ZFHX3: variants seen among roughly 807,000 people sequenced by gnomAD.
ZFHX3 encodes the protein zinc finger homeobox protein 3.
In ZFHX3, 42 loss-of-function variants were observed where a neutral mutation model predicts 279.1. That is an observed-to-expected ratio of 0.15 (90% CI 0.12 to 0.19). The LOEUF (loss-of-function observed/expected upper bound fraction) is 0.19. Among genes scored for constraint, ZFHX3 ranks in the 10% least tolerant of loss-of-function variants. ZFHX3 has a pLI of 1.00. For synonymous variants in ZFHX3, 2,293 were observed against 1,957.8 expected, an observed-to-expected ratio of 1.17 and a Z score of -4.52; for missense variants, 4,981 against 4,754.0, an observed-to-expected ratio of 1.05 and a Z score of -1.40.
intron 2 of ZFHX3, among the ~76,000 whole-genome samples, chr16:73,501,449 G>A (rs1015511704): frequency 2.0e-5 from 3 of 152,118 alleles, no homozygotes; most frequent in African/African-American, 4.8e-5. Flanking sequence ...TACCATACAG[G>A]CTCTCCCTTA....
chr16:72,867,054 T>C (rs1460725451), intron 4 of ZFHX3, among the ~76,000 whole-genome samples: 2 of 152,202 alleles, frequency 1.3e-5, no homozygotes, highest in African/African-American at 4.8e-5. Flanking sequence ...GTGCACCTCA[T>C]TGGCATGAAT....
At chr16:73,696,096 C>A (rs1275222005) in intron 1 of ZFHX3, among the ~76,000 whole-genome samples, 2 of 152,158 alleles carry the variant, frequency 1.3e-5, no homozygotes, top group African/African-American at 4.8e-5. Context: ...GTAATTCCAG[C>A]CAAGGGCAGA....
At chr16:73,856,907 G>T (rs545371770) in intron 1 of ZFHX3, among the ~76,000 whole-genome samples, 3 of 152,336 alleles carry the variant, frequency 2.0e-5, no homozygotes, top group South Asian at 2.1e-4. Context: ...TTGAACAGAG[G>T]TAAGTATTGC....
chr16:73,180,179 T>C (rs1967760926), intron 5 of ZFHX3, among the ~76,000 whole-genome samples: 1 of 152,166 alleles, frequency 6.6e-6, no homozygotes, highest in Non-Finnish European at 1.5e-5. Context: ...CAGCCAACTC[T>C]TGGACCCAGG....
chr16:73,380,689 T>C (rs7194610), intron 3 of ZFHX3, among the ~76,000 whole-genome samples: 90,986 of 152,056 alleles, frequency 0.6, 27,834 homozygotes, highest in African/African-American at 0.65. Context: ...TAAAAATACT[T>C]AGAGAGAAAT....
intron 5 of ZFHX3, among the ~76,000 whole-genome samples, chr16:73,160,615 G>A (rs1161068354): frequency 6.6e-6 from 1 of 151,786 alleles, no homozygotes; most frequent in Non-Finnish European, 1.5e-5. Context: ...CCTCATTACT[G>A]CCATCATAAT....
At chr16:73,725,540 A>AGTGAGTGT (rs147139764) in intron 1 of ZFHX3, among the ~76,000 whole-genome samples, 3,854 of 148,316 alleles carry the variant, frequency 0.026, 71 homozygotes, top group Admixed American at 0.038. Flanking sequence ...AGTGTGAGTG[A>AGTGAGTGT]GTGTGTGTGT....
chr16:73,692,403 A>C (rs991401042), intron 1 of ZFHX3, among the ~76,000 whole-genome samples: 2 of 152,318 alleles, frequency 1.3e-5, no homozygotes, highest in Admixed American at 6.5e-5. Flanking sequence ...GAATACACCC[A>C]GATGTACAGC....
chr16:73,551,674 A>G (rs1486124208), intron 2 of ZFHX3, among the ~76,000 whole-genome samples: 2 of 152,234 alleles, frequency 1.3e-5, no homozygotes, highest in East Asian at 1.9e-4. Flanking sequence ...CAAGCCATAA[A>G]GATTACATCT....
intron 2 of ZFHX3, among the ~76,000 whole-genome samples, chr16:73,513,348 G>A (rs2019465504): frequency 6.6e-6 from 1 of 152,132 alleles, no homozygotes; most frequent in Non-Finnish European, 1.5e-5. Flanking sequence ...GGAATATTCA[G>A]GATCAGGCCT....
In ZFHX3 at chr16:73,414,498, A is replaced by G. The variant is rs79142663; in HGVS notation, c.-1291+41505T>C. ...ACCCTCACTTTCCCTGTGATTCTCC[A>G]ACTTATATTTACCAAAGCAGTTTTA... is the stretch of plus-strand genomic sequence containing the variant. On this transcript the variant is annotated intron_variant, in intron 3 of 17. Coordinates refer to the ZFHX3 transcript ENST00000641206. 7.4e-3 allele frequency among the ~76,000 whole-genome samples: 1,124 copies of G among 152,346 alleles called. 17 individuals are homozygous for G. Among genetic ancestry groups the G allele is most frequent in the African/African-American group, 0.026 (1,061 of 41,582 alleles).
chr16:72,950,985 G>T lies in ZFHX3; in HGVS notation c.2720-20C>A, dbSNP rs1021340161. ...CGCCCACTGCAGGGAAGGAGAGAAG[G>T]AGAGAGTCAGACACCAGGCTCATGG... On this transcript the variant is annotated intron_variant, in intron 2 of 9. Coordinates refer to ENST00000268489, the MANE Select transcript of ZFHX3 (RefSeq NM_006885.4). The T allele has an allele frequency of 2.5e-6, 4 of 1,601,084 alleles. No individual in the cohort carries two copies. The African/African-American group carries it at 4.0e-5, about 16-fold the overall frequency.
chr16:73,727,034 T>C (rs763017462), intron 1 of ZFHX3, among the ~76,000 whole-genome samples: 1 of 152,146 alleles, frequency 6.6e-6, no homozygotes, highest in Non-Finnish European at 1.5e-5. Flanking sequence ...AGGATCCTAG[T>C]TCTCACAGGC....
At chr16:73,390,177 C>T (rs377707163) in intron 3 of ZFHX3, among the ~76,000 whole-genome samples, 12 of 152,148 alleles carry the variant, frequency 7.9e-5, no homozygotes, top group African/African-American at 2.4e-4. Context: ...CTACCTGTTC[C>T]TCAGGTGGTG....
At chr16:72,925,182 C>T (rs879666376) in intron 3 of ZFHX3, among the ~76,000 whole-genome samples, 1 of 152,192 alleles carries the variant, frequency 6.6e-6, no homozygotes, top group East Asian at 1.9e-4. Context: ...AACACAAAGC[C>T]ATTGCTGTGC....
chr16:73,812,626 T>G (rs1352584556), intron 1 of ZFHX3: 14 of 152,306 alleles, frequency 9.2e-5, no homozygotes, highest in Admixed American at 9.2e-4. Context: ...CTGATGGAAT[T>G]GAAGGTTTAA....
chr16:73,687,163 C>G (rs1030358618), intron 1 of ZFHX3, among the ~76,000 whole-genome samples: 4 of 147,590 alleles, frequency 2.7e-5, no homozygotes, highest in African/African-American at 7.5e-5. Flanking sequence ...CAGAGGTGGG[C>G]AGATTGCTTG....
intron 5 of ZFHX3, among the ~76,000 whole-genome samples, chr16:73,234,390 T>A (rs535875872): frequency 6.6e-6 from 1 of 152,230 alleles, no homozygotes; most frequent in East Asian, 1.9e-4. Flanking sequence ...CACTTAACTA[T>A]GTCCCCTGTC....
At chr16:73,483,772 T>C (rs1440939799) in intron 2 of ZFHX3, among the ~76,000 whole-genome samples, 1 of 152,118 alleles carries the variant, frequency 6.6e-6, no homozygotes, top group African/African-American at 2.4e-5. Context: ...AATTAGCCTT[T>C]GGCAGCCATG....
Sources: gnomAD v4.1 joint callset for allele counts (sites outside exome capture counted in the v4.1 genomes callset) on GRCh38, gnomAD v4.1.1 for gene constraint, MANE v1.5 for transcripts, NCBI Gene and HGNC (gene_info 2026-07-23, HGNC 2026-07-21) for gene names.